The following HSBP1 variants were observed in gnomAD, a reference collection of about 807,000 sequenced individuals.
The protein encoded by HSBP1 is heat shock factor binding protein 1.
A neutral mutation model predicts 9.6 loss-of-function variants in HSBP1; 5 were observed. That is an observed-to-expected ratio of 0.52 (90% confidence interval 0.27 to 1.09). The LOEUF is 1.09. Among genes scored for constraint, HSBP1 ranks in the 50% least tolerant of loss-of-function variants. HSBP1 has a pLI of 0.11. For synonymous variants in HSBP1, 42 were observed against 33.3 expected (o/e 1.26, Z -0.90); for missense variants, 121 against 96.3 (o/e 1.26, Z -1.07).
At position 83,808,724 on chromosome 16, in the gene HSBP1, G is replaced by T; in HGVS notation, c.90G>T (p.Met30Ile). The change falls in exon 2 of 4, where the codon ATG (methionine) becomes ATT (isoleucine). Residue 30 changes from methionine to isoleucine, a missense_variant. Transcript: ENST00000433866. ...AGATGCAAGATAAATTTCAGACCAT[G>T]TCTGACCAGATCATTGGGAGAAATA... ...LQQMQDKFQT[M>I]SDQIIGRIDD... is the part of the protein sequence containing the mutation. The T allele has an allele frequency of 6.2e-7, 1 of 1,612,540 alleles. No individual in the cohort carries two copies. The highest frequency in any genetic ancestry group is 1.1e-5 in the South Asian group (1 of 90,962).
In HSBP1 at chr16:83,808,026, G is replaced by A; in HGVS notation, c.-51G>A. 6.8e-7 allele frequency: 1 copy of A among 1,475,466 alleles called. No homozygotes were observed. The highest frequency in any genetic ancestry group is 9.1e-7 in the Non-Finnish European group (1 of 1,104,052). 91.4% of individuals were successfully genotyped at this position (1,475,466 alleles called of 1,614,324 possible). A position where few individuals can be genotyped will look rare whatever the true frequency, so the allele number is the denominator to read the frequency against. ...CCCGGGGCGACTGAGCGGACAAACG[G>A]AAGTGTAGGTTACGGTCTGAGACAT... On this transcript the variant is annotated 5_prime_UTR_variant, in exon 1 of 4. Coordinates refer to ENST00000433866, the MANE Select transcript of HSBP1 (RefSeq NM_001537.4).
chr16:83,808,728 G>C lies in HSBP1; in HGVS notation c.94G>C (p.Asp32His), dbSNP rs775373373. The change falls in exon 2 of 4, where the codon GAC (aspartate) becomes CAC (histidine). Residue 32 changes from aspartate (D) to histidine (H), a missense_variant. By Grantham distance (81) the Asp-to-His change is moderately conservative (BLOSUM62 -1). Coordinates refer to ENST00000433866, the MANE Select transcript of HSBP1 (RefSeq NM_001537.4). ...QMQDKFQTMS[D>H]QIIGRIDDMS... ...GCAAGATAAATTTCAGACCATGTCT[G>C]ACCAGATCATTGGGAGAAATATCCT... The C allele has an allele frequency of 7.4e-6, 12 of 1,612,122 alleles. No homozygotes were observed. The highest frequency in any genetic ancestry group is 1.3e-5 in the African/African-American group (1 of 74,904).
Position 83,819,672 on chromosome 16 carries a change from A to T in HSBP1, c.*8254A>T, listed in dbSNP as rs550217472. Reference sequence around the variant, plus strand: ...TTAAAAAGCTTTTAAAGAGCATAGTAAATATTTTACCAGAAGGATAAGTTA... The same window carrying T: ...TTAAAAAGCTTTTAAAGAGCATAGTTAATATTTTACCAGAAGGATAAGTTA... On this transcript the variant is annotated 3_prime_UTR_variant, in exon 4 of 4. Coordinates refer to ENST00000433866, the MANE Select transcript of HSBP1 (RefSeq NM_001537.4). 18 of 152,360 alleles carry T rather than the reference A, an allele frequency of 1.2e-4. No individual in the cohort carries two copies. In the South Asian group the frequency reaches 2.9e-3, roughly 25 times the overall value. The allele number at this position is 152,360 out of a possible 1,614,324, so 9.4% of individuals were successfully genotyped here.
At position 83,819,381 on chromosome 16, in the gene HSBP1, C is replaced by T. The variant is rs1904790287; in HGVS notation, c.*7963C>T. 6.6e-6 allele frequency: 1 copy of T among 152,014 alleles called. No individual in the cohort carries two copies. The highest frequency in any genetic ancestry group is 6.6e-5 in the Admixed American group (1 of 15,244). 9.4% of individuals were successfully genotyped at this position (152,014 alleles called of 1,614,324 possible). On this transcript the variant is annotated 3_prime_UTR_variant, in exon 4 of 4. Coordinates refer to ENST00000433866, the MANE Select transcript of HSBP1 (RefSeq NM_001537.4). The stretch of plus-strand genomic sequence containing the variant: ...CTGGGAGTCTCAGGCCTGGGCTAGT[C>T]CTAAAATAATTGAAAAGGAATTGAT...
At chr16:83,809,466 T>TC (rs1393584519) in intron 3 of HSBP1, 41 bp downstream of exon 3, 13 of 614,898 alleles carry the variant, frequency 2.1e-5, no homozygotes, top group East Asian at 8.6e-5. Flanking sequence ...TCTTTTCTTT[T>TC]TTTTTTTTTT....
rs1904625091 is a variant in HSBP1 at position 83,812,583 on chromosome 16, C to T, written c.*1165C>T. ...GATTTTTTTAAGTTTCTCATCTCAC[C>T]AGTCTTGGTGTTTATATTGCAAATC... is the stretch of plus-strand genomic sequence containing the variant. On this transcript the variant is annotated 3_prime_UTR_variant, in exon 4 of 4. Coordinates refer to ENST00000433866, the MANE Select transcript of HSBP1 (RefSeq NM_001537.4). 1 of 152,134 alleles carries T rather than the reference C, an allele frequency of 6.6e-6. No individual in the cohort carries two copies. Among genetic ancestry groups the T allele is most frequent in the Non-Finnish European group, 1.5e-5 (1 of 68,038 alleles). The allele number at this position is 152,134 out of a possible 1,614,324, so 9.4% of individuals were successfully genotyped here. A position where few individuals can be genotyped will look rare whatever the true frequency, so the allele number is the denominator to read the frequency against.
At position 83,814,188 on chromosome 16, in the gene HSBP1, A is replaced by G. The variant is rs1904667122; in HGVS notation, c.*2770A>G. 6.6e-6 allele frequency: 1 copy of G among 152,256 alleles called. No individual in the cohort carries two copies. The highest frequency in any genetic ancestry group is 6.5e-5 in the Admixed American group (1 of 15,290). The allele number at this position is 152,256 out of a possible 1,614,324, so 9.4% of individuals were successfully genotyped here. ...ATTTGCAGGATGTGTTGTCATATCT[A>G]GCCCTGAAAGTTAACTGGTTACAGT... On this transcript the variant is annotated 3_prime_UTR_variant, in exon 4 of 4. Transcript: ENST00000433866.
rs374241812 is a variant in HSBP1, at chr16:83,808,561, C to T, written c.46-119C>T. 21 of 709,662 alleles carry T rather than the reference C, an allele frequency of 3.0e-5. No individual in the cohort carries two copies. The African/African-American group carries it at 3.8e-4, about 13-fold the overall frequency. The allele number at this position is 709,662 out of a possible 1,614,324, so 44.0% of individuals were successfully genotyped here. A position where few individuals can be genotyped will look rare whatever the true frequency, so the allele number is the denominator to read the frequency against. Reference sequence around the variant, plus strand: ...AGAAGGAAGATCTTGCTGAAGGCCGCACAGCTGTCCAGAGGCAGAAATGGG... The same window carrying T: ...AGAAGGAAGATCTTGCTGAAGGCCGTACAGCTGTCCAGAGGCAGAAATGGG... On this transcript the variant is annotated intron_variant, in intron 1 of 3. Coordinates refer to ENST00000433866, the MANE Select transcript of HSBP1 (RefSeq NM_001537.4).
intron 2 of HSBP1, chr16:83,809,001 GCTTTTGTGTGTGT>G: frequency 1.8e-6 from 1 of 545,522 alleles, no homozygotes; most frequent in East Asian, 2.9e-5. Context: ...TGAACTAAGC[GCTTTTGTGTGTGT>G]CTTTTGATGC....
chr16:83,808,818 A>C (rs973257191), intron 2 of HSBP1, 72 bp downstream of exon 2: 28 of 1,101,674 alleles, frequency 2.5e-5, no homozygotes, highest in Non-Finnish European at 3.2e-5. Context: ...GTGGGGATAA[A>C]TGAGTAGTTT....
In HSBP1 at chr16:83,808,024, CG is replaced by C; in HGVS notation, c.-51del. 3 of 1,464,398 alleles carry C rather than the reference CG, an allele frequency of 2.0e-6. No homozygotes were observed. The highest frequency in any genetic ancestry group is 1.3e-5 in the South Asian group (1 of 77,258). 90.7% of individuals were successfully genotyped at this position (1,464,398 alleles called of 1,614,324 possible). On this transcript the variant is annotated 5_prime_UTR_variant, in exon 1 of 4. Transcript: ENST00000433866. ...GGCCCGGGGCGACTGAGCGGACAAA[CG>C]GAAGTGTAGGTTACGGTCTGAGACA... is the stretch of plus-strand genomic sequence containing the variant.
intron 2 of HSBP1, 62 bp downstream of exon 2, chr16:83,808,808 G>A: frequency 8.0e-7 from 1 of 1,253,540 alleles, no homozygotes; most frequent in Non-Finnish European, 1.1e-6. Context: ...CCGGGCAGTG[G>A]TGGGGATAAA....
Position 83,818,519 on chromosome 16 carries a change from C to G in HSBP1, c.*7101C>G, listed in dbSNP as rs1904770064. 1 of 152,198 alleles carries G rather than the reference C, an allele frequency of 6.6e-6. No homozygotes were observed. Among genetic ancestry groups the G allele is most frequent in the Non-Finnish European group, 1.5e-5 (1 of 68,040 alleles). 9.4% of individuals were successfully genotyped at this position (152,198 alleles called of 1,614,324 possible). On this transcript the variant is annotated 3_prime_UTR_variant, in exon 4 of 4. Transcript: ENST00000433866. Reference sequence around the variant, plus strand: ...AGCAAGTTCAGAACTTGAAGAATCCCTTTTATCCTAACGCTGACTAATAAA... The same window carrying G: ...AGCAAGTTCAGAACTTGAAGAATCCGTTTTATCCTAACGCTGACTAATAAA...
chr16:83,807,988 C>A lies in HSBP1; in HGVS notation c.-89C>A. 3.3e-6 allele frequency: 4 copies of A among 1,217,528 alleles called. No individual in the cohort carries two copies. Among genetic ancestry groups the A allele is most frequent in the Non-Finnish European group, 4.5e-6 (4 of 882,562 alleles). 75.4% of individuals were successfully genotyped at this position (1,217,528 alleles called of 1,614,324 possible). On this transcript the variant is annotated 5_prime_UTR_variant, in exon 1 of 4. Coordinates refer to ENST00000433866, the MANE Select transcript of HSBP1 (RefSeq NM_001537.4). Reference sequence around the variant, plus strand: ...GTCCCGCGAGCTGCCAGTCTCGTCGCGAGAAGCAGCGGCCCGGGGCGACTG... The same window carrying A: ...GTCCCGCGAGCTGCCAGTCTCGTCGAGAGAAGCAGCGGCCCGGGGCGACTG...
rs1904600001 is a variant in HSBP1 at position 83,811,485 on chromosome 16, T to C, written c.*67T>C. 1 of 152,262 alleles carries C rather than the reference T, an allele frequency of 6.6e-6. No homozygotes were observed. Among genetic ancestry groups the C allele is most frequent in the African/African-American group, 2.4e-5 (1 of 41,468 alleles). 9.4% of individuals were successfully genotyped at this position (152,262 alleles called of 1,614,324 possible). A position where few individuals can be genotyped will look rare whatever the true frequency, so the allele number is the denominator to read the frequency against. The stretch of plus-strand genomic sequence containing the variant: ...GCCAAGAGAAGATCGAATGGCTTTT[T>C]GCAGCTAACTACTATGTGTAGACAG... On this transcript the variant is annotated 3_prime_UTR_variant, in exon 4 of 4. Coordinates refer to ENST00000433866, the MANE Select transcript of HSBP1 (RefSeq NM_001537.4).
In HSBP1 at chr16:83,819,404, G is replaced by A. The variant is rs1904790705; in HGVS notation, c.*7986G>A. On this transcript the variant is annotated 3_prime_UTR_variant, in exon 4 of 4. Coordinates refer to ENST00000433866, the MANE Select transcript of HSBP1 (RefSeq NM_001537.4). ...GTCCTAAAATAATTGAAAAGGAATT[G>A]ATTCTTAATTACCCAGAACGTCCAC... 1 of 152,092 alleles carries A rather than the reference G, an allele frequency of 6.6e-6. No individual in the cohort carries two copies. Among genetic ancestry groups the A allele is most frequent in the South Asian group, 2.1e-4 (1 of 4,818 alleles). The allele number at this position is 152,092 out of a possible 1,614,324, so 9.4% of individuals were successfully genotyped here.
chr16:83,808,094 C>G lies in HSBP1; in HGVS notation c.18C>G (p.Pro6=). 1 of 1,547,450 alleles carries G rather than the reference C, an allele frequency of 6.5e-7. No homozygotes were observed. Among genetic ancestry groups the G allele is most frequent in the Non-Finnish European group, 8.7e-7 (1 of 1,145,028 alleles). Residue 6 remains proline, a synonymous_variant, in exon 1 of 4, where the codon CCC becomes CCG. Transcript: ENST00000433866. The part of the protein sequence containing the change: MAETD[P]KTVQDLTSVV... ...TCGGGGAGATGGCCGAGACTGACCC[C>G]AAGACCGTGCAGGACCTCACCTCGG...
rs527921167 is a variant in HSBP1, at chr16:83,809,161, C to G, written c.113-144C>G. 21 of 622,548 alleles carry G rather than the reference C, an allele frequency of 3.4e-5. No individual in the cohort carries two copies. The South Asian group carries it at 3.9e-4, about 12-fold the overall frequency. The allele number at this position is 622,548 out of a possible 1,614,324, so 38.6% of individuals were successfully genotyped here. ...TAGCCATGCCCCACAGTCCTGTACT[C>G]TTACCCACCAGCGTGTAACAGTGTC... On this transcript the variant is annotated intron_variant, in intron 2 of 3. Coordinates refer to ENST00000433866, the MANE Select transcript of HSBP1 (RefSeq NM_001537.4).
rs1203495766 is a variant in HSBP1 at position 83,817,607 on chromosome 16, A to C, written c.*6189A>C. 6.6e-6 allele frequency: 1 copy of C among 152,206 alleles called. No individual in the cohort carries two copies. The highest frequency in any genetic ancestry group is 2.4e-5 in the African/African-American group (1 of 41,450). 9.4% of individuals were successfully genotyped at this position (152,206 alleles called of 1,614,324 possible). A position where few individuals can be genotyped will look rare whatever the true frequency, so the allele number is the denominator to read the frequency against. ...CATTGCTGTAGTTTTATTACCTCTT[A>C]CCTTGGTCTTTACAAGTTGCTGTCA... On this transcript the variant is annotated 3_prime_UTR_variant, in exon 4 of 4. Coordinates refer to ENST00000433866, the MANE Select transcript of HSBP1 (RefSeq NM_001537.4).
Sources: allele counts gnomAD v4.1 joint callset, GRCh38; gene constraint gnomAD v4.1.1; transcripts MANE v1.5; gene names NCBI Gene and HGNC (gene_info 2026-07-23, HGNC 2026-07-21).